The following PROS1 variants were observed in gnomAD, a reference collection of about 807,000 sequenced individuals.
The protein encoded by PROS1 is vitamin K-dependent protein S.
A neutral mutation model predicts 75.9 loss-of-function variants in PROS1; 29 were observed. That is an observed-to-expected ratio of 0.38 (90% CI 0.28 to 0.52). PROS1 has a LOEUF of 0.52. Ranked by LOEUF, PROS1 falls within the 20% of genes least tolerant of loss-of-function variation. The pLI, the probability that PROS1 is intolerant of heterozygous loss-of-function variation, is 0.83. For synonymous variants in PROS1, 245 were observed against 280.6 expected, an observed-to-expected ratio of 0.87 and a Z score of 1.27; for missense variants, 680 against 810.3, an observed-to-expected ratio of 0.84 and a Z score of 1.95.
intron 1 of PROS1, among the ~76,000 whole-genome samples, chr3:93,953,526 A>G (rs1709541169): frequency 6.6e-6 from 1 of 152,210 alleles, no homozygotes; most frequent in Non-Finnish European, 1.5e-5. Context: ...AAAATTCAAC[A>G]GCTCTTCATG....
chr3:93,899,571 T>C (rs1708555101), intron 7 of PROS1, among the ~76,000 whole-genome samples: 1 of 152,312 alleles, frequency 6.6e-6, no homozygotes, highest in East Asian at 1.9e-4. Context: ...TTTTCCACGG[T>C]AATTTCTATC....
chr3:93,958,548 G>C (rs995979155), intron 1 of PROS1: 2 of 152,036 alleles, frequency 1.3e-5, no homozygotes, highest in Admixed American at 6.6e-5. Flanking sequence ...TCTTTTCTTT[G>C]TACTTGATAT....
At chr3:93,924,929 A>G (rs1708995794) in intron 2 of PROS1, among the ~76,000 whole-genome samples, 1 of 152,070 alleles carries the variant, frequency 6.6e-6, no homozygotes, top group Non-Finnish European at 1.5e-5. Context: ...TTGGCCTCCC[A>G]AAGTGCTGGA....
chr3:93,911,066 C>T (rs1313928928), intron 3 of PROS1: 6 of 279,888 alleles, frequency 2.1e-5, no homozygotes, highest in African/African-American at 1.4e-4. Flanking sequence ...ATCTACTGAC[C>T]AGAGTCTGAT....
intron 1 of PROS1, among the ~76,000 whole-genome samples, chr3:93,955,833 T>C (rs535832831): frequency 6.6e-6 from 1 of 152,340 alleles, no homozygotes; most frequent in South Asian, 2.1e-4. Context: ...TCATCTAGTC[T>C]GACAATCAAA....
chr3:93,964,276 T>A (rs1274138727), intron 1 of PROS1, among the ~76,000 whole-genome samples: 1 of 152,172 alleles, frequency 6.6e-6, no homozygotes, highest in African/African-American at 2.4e-5. Context: ...AACAGCCATA[T>A]TTTTCTTCTT....
At chr3:93,893,383 T>C (rs1708460018) in intron 9 of PROS1, among the ~76,000 whole-genome samples, 1 of 152,202 alleles carries the variant, frequency 6.6e-6, no homozygotes, top group Admixed American at 6.5e-5. Flanking sequence ...GCTTTGGTAA[T>C]TTGTCATCTT....
chr3:93,909,313 T>C (rs1270803683), intron 4 of PROS1, among the ~76,000 whole-genome samples: 4 of 151,620 alleles, frequency 2.6e-5, no homozygotes, highest in Non-Finnish European at 5.9e-5. Context: ...TATGTGCCTA[T>C]AGTTCCAGCT....
At chr3:93,923,834 A>C (rs1240659687) in intron 3 of PROS1, among the ~76,000 whole-genome samples, 1 of 152,026 alleles carries the variant, frequency 6.6e-6, no homozygotes, top group Non-Finnish European at 1.5e-5. Context: ...CCAGGGAGAC[A>C]GAAGTTGCAG....
chr3:93,898,167 G>A (rs983953857), intron 8 of PROS1, among the ~76,000 whole-genome samples: 6 of 151,944 alleles, frequency 3.9e-5, no homozygotes, highest in African/African-American at 1.2e-4. Flanking sequence ...GATTTCTTAA[G>A]TAAACATACA....
intron 1 of PROS1, among the ~76,000 whole-genome samples, chr3:93,960,323 C>T (rs1709684453): frequency 6.6e-6 from 1 of 151,780 alleles, no homozygotes. Context: ...ACTACAGGTG[C>T]CCACCACCAT....
chr3:93,936,160 A>T (rs1246925063), intron 1 of PROS1, among the ~76,000 whole-genome samples: 1 of 151,560 alleles, frequency 6.6e-6, no homozygotes, highest in African/African-American at 2.4e-5. Context: ...ATATTTGGAG[A>T]CAGGTCCTTT....
intron 6 of PROS1, among the ~76,000 whole-genome samples, chr3:93,904,738 C>T (rs1466145900): frequency 2.6e-5 from 4 of 151,804 alleles, no homozygotes; most frequent in Non-Finnish European, 5.9e-5. Flanking sequence ...TTTAGTCATC[C>T]ATACACCTGG....
rs189201532 is a variant in PROS1 at position 93,907,916 on chromosome 3, C to T, written c.347-1773G>A. The stretch of plus-strand genomic sequence containing the variant: ...ATGGCTCACACCTGTAATCCCAGCA[C>T]TTTGGGAGACCAAGGCAGGCAGGCA... On this transcript the variant is annotated intron_variant, in intron 4 of 14. Transcript: ENST00000394236. Among the ~76,000 whole-genome samples the T allele has an allele frequency of 2.0e-5, 3 of 152,300 alleles. No individual in the cohort carries two copies. In the East Asian group the frequency reaches 5.8e-4, roughly 29 times the overall value.
At chr3:93,891,558 C>A (rs545573682) in intron 10 of PROS1, among the ~76,000 whole-genome samples, 1 of 151,954 alleles carries the variant, frequency 6.6e-6, no homozygotes, top group Non-Finnish European at 1.5e-5. Flanking sequence ...TGCAGGCGTG[C>A]GCCACCAAGC....
rs190383878 is a variant in PROS1 at position 93,899,001 on chromosome 3, A to C, written c.728-432T>G. ...GAAGGGAGAGCATGATGGGGAAGTA[A>C]AGGAAAGGAAAGTTAGGGAAGGGAA... is the stretch of plus-strand genomic sequence containing the variant. On this transcript the variant is annotated intron_variant, in intron 7 of 14. Coordinates refer to ENST00000394236, the MANE Select transcript of PROS1 (RefSeq NM_000313.4). Among the ~76,000 whole-genome samples, 4 of 152,166 alleles carry C rather than the reference A, an allele frequency of 2.6e-5. No homozygotes were observed. The East Asian group carries it at 7.7e-4, about 29-fold the overall frequency.
chr3:93,943,885 C>A (rs372592938), intron 1 of PROS1, among the ~76,000 whole-genome samples: 8 of 152,152 alleles, frequency 5.3e-5, no homozygotes. Flanking sequence ...TGCCCCTGTC[C>A]GCCAGAGAAC....
rs1284128997 is a variant in PROS1 at position 93,873,968 on chromosome 3, CA to C, written c.*276del. 1 of 350,792 alleles carries C rather than the reference CA, an allele frequency of 2.9e-6. No homozygotes were observed. 21.7% of individuals were successfully genotyped at this position (350,792 alleles called of 1,614,324 possible). On this transcript the variant is annotated 3_prime_UTR_variant, in exon 15 of 15. Transcript: ENST00000394236. ...ATGATAAAATTAAAATTTAGTTTTA[CA>C]AACAAAAATTGAAACTGTCATTTGT...
intron 1 of PROS1, among the ~76,000 whole-genome samples, chr3:93,953,100 C>CA (rs1048858603): frequency 7.5e-4 from 114 of 151,990 alleles, no homozygotes; most frequent in African/African-American, 2.7e-3. Context: ...GCCTACCAAC[C>CA]AAAAAAAGAC....
Sources: allele counts gnomAD v4.1 joint callset (sites outside exome capture counted in the v4.1 genomes callset), GRCh38; gene constraint gnomAD v4.1.1; transcripts MANE v1.5; gene names NCBI Gene and HGNC (gene_info 2026-07-23, HGNC 2026-07-21).